ADCY8: variants seen among roughly 807,000 people sequenced by gnomAD.
ADCY8 encodes adenylate cyclase type 8.
In ADCY8, 51 loss-of-function variants were observed where a neutral mutation model predicts 119.7. That is an observed-to-expected ratio of 0.43 (90% confidence interval 0.34 to 0.54). ADCY8 has a LOEUF of 0.54. ADCY8 is among the 20% of genes least tolerant of loss of function. The probability of loss-of-function intolerance (pLI) is 0.03; values close to 1 mark genes in which losing one functional copy is unlikely to be tolerated. For missense variants in ADCY8, 1,383 were observed against 1,598.8 expected, an observed-to-expected ratio of 0.87 and a Z score of 2.30; for synonymous variants, 665 against 651.0, an observed-to-expected ratio of 1.02 and a Z score of -0.33.
rs868052969 is a variant in ADCY8, at chr8:131,040,689, G to C, written c.-356C>G. On this transcript the variant is annotated 5_prime_UTR_variant, in exon 1 of 18. Transcript: ENST00000286355. ...CTCCTTGGTTGATTCTAGGCTCAGC[G>C]TTTTGGCGCAGCCTTTGCTCTCCAA... 40 of 192,486 alleles carry C rather than the reference G, an allele frequency of 2.1e-4. No individual in the cohort carries two copies. The highest frequency in any genetic ancestry group is 9.2e-4 in the African/African-American group (40 of 43,292). 11.9% of individuals were successfully genotyped at this position (192,486 alleles called of 1,614,324 possible). A position where few individuals can be genotyped will look rare whatever the true frequency, so the allele number is the denominator to read the frequency against.
At chr8:130,828,369 G>A (rs1292586393) in intron 12 of ADCY8, among the ~76,000 whole-genome samples, 2 of 152,176 alleles carry the variant, frequency 1.3e-5, no homozygotes, top group Non-Finnish European at 2.9e-5. Flanking sequence ...CTCTGCCCTT[G>A]GCCTGGAGGG....
intron 1 of ADCY8, among the ~76,000 whole-genome samples, chr8:131,032,792 A>T (rs1824035284): frequency 6.6e-6 from 1 of 152,146 alleles, no homozygotes; most frequent in Admixed American, 6.5e-5. Context: ...ATCCAATTAC[A>T]TTTCCTGGGG....
intron 15 of ADCY8, among the ~76,000 whole-genome samples, chr8:130,793,489 C>A (rs1406148423): frequency 1.3e-5 from 2 of 152,156 alleles, no homozygotes; most frequent in Admixed American, 1.3e-4. Flanking sequence ...ACTTGTTATT[C>A]TTTTTGATTG....
chr8:130,863,817 C>T (rs1818025279), intron 9 of ADCY8, among the ~76,000 whole-genome samples: 1 of 151,962 alleles, frequency 6.6e-6, no homozygotes, highest in African/African-American at 2.4e-5. Context: ...TTTATAACCA[C>T]CAAATACATT....
intron 12 of ADCY8, among the ~76,000 whole-genome samples, chr8:130,832,209 G>A (rs1476382870): frequency 6.6e-6 from 1 of 152,088 alleles, no homozygotes; most frequent in East Asian, 1.9e-4. Flanking sequence ...TAGGGGTAAG[G>A]GTGCCTCTCC....
At position 131,023,472 on chromosome 8, in the gene ADCY8, C is replaced by T. The variant is rs530590270; in HGVS notation, c.960+15902G>A. On this transcript the variant is annotated intron_variant, in intron 1 of 17. Coordinates refer to ENST00000286355, the MANE Select transcript of ADCY8 (RefSeq NM_001115.3). ...GGTCACAGAGCAGAAGATGGCAGTG[C>T]TGCAGGAGGAGAGGCAGACTGTATC... 9.2e-5 allele frequency among the ~76,000 whole-genome samples: 14 copies of T among 152,280 alleles called. No homozygotes were observed. The South Asian group carries it at 2.7e-3, about 29-fold the overall frequency.
intron 3 of ADCY8, among the ~76,000 whole-genome samples, chr8:130,947,004 C>T (rs1203634155): frequency 2.0e-5 from 3 of 152,160 alleles, no homozygotes; most frequent in East Asian, 1.9e-4. Flanking sequence ...GTTCTGCCAC[C>T]TCCAGGTGCT....
intron 5 of ADCY8, among the ~76,000 whole-genome samples, chr8:130,933,321 A>T (rs1417227046): frequency 6.6e-6 from 1 of 152,252 alleles, no homozygotes; most frequent in South Asian, 2.1e-4. Context: ...TGAATAAAAA[A>T]TTCCATCTTG....
At chr8:130,865,915 G>A (rs1818102451) in intron 9 of ADCY8, among the ~76,000 whole-genome samples, 1 of 152,020 alleles carries the variant, frequency 6.6e-6, no homozygotes, top group African/African-American at 2.4e-5. Flanking sequence ...TTATTGGATT[G>A]GGCAAACTCC....
chr8:131,006,108 A>C (rs955708949), intron 1 of ADCY8, among the ~76,000 whole-genome samples: 6 of 152,036 alleles, frequency 3.9e-5, no homozygotes, highest in Non-Finnish European at 7.4e-5. Context: ...AATGCACAAG[A>C]AGCAGCTTCT....
intron 7 of ADCY8, among the ~76,000 whole-genome samples, chr8:130,886,008 C>T (rs1818968767): frequency 6.6e-6 from 1 of 152,038 alleles, no homozygotes; most frequent in Admixed American, 6.6e-5. Context: ...CAAGCCAGAT[C>T]TGCTGACTCC....
chr8:130,830,094 C>T (rs1816785521), intron 12 of ADCY8, among the ~76,000 whole-genome samples: 1 of 152,274 alleles, frequency 6.6e-6, no homozygotes, highest in South Asian at 2.1e-4. Context: ...AGGAACGATA[C>T]AGGAGTTAAG....
At chr8:130,876,175 C>G (rs56293105) in intron 8 of ADCY8, among the ~76,000 whole-genome samples, 1 of 151,764 alleles carries the variant, frequency 6.6e-6, no homozygotes, top group Non-Finnish European at 1.5e-5. Flanking sequence ...CTCAGCCTCC[C>G]GAGTAGCTGG....
rs138226346 is a variant in ADCY8 at position 130,809,936 on chromosome 8, C to T, written c.2913+4133G>A. On this transcript the variant is annotated intron_variant, in intron 14 of 17. Transcript: ENST00000286355. The stretch of plus-strand genomic sequence containing the variant: ...CTTTGCCAGCTGGAGGCTGTACATT[C>T]GGTTCCTCTTTGAGTGCGGTCTGTG... Among the ~76,000 whole-genome samples, 38 of 152,332 alleles carry T rather than the reference C, an allele frequency of 2.5e-4. No individual in the cohort carries two copies. In the East Asian group the frequency reaches 5.0e-3, roughly 20 times the overall value.
At chr8:130,895,887 A>C (rs952902961) in intron 7 of ADCY8, among the ~76,000 whole-genome samples, 7 of 152,144 alleles carry the variant, frequency 4.6e-5, no homozygotes, top group African/African-American at 1.7e-4. Flanking sequence ...AGAAGCAGTT[A>C]CCTCTGAAAA....
chr8:130,889,733 G>C (rs1156908576), intron 7 of ADCY8, among the ~76,000 whole-genome samples: 2 of 152,080 alleles, frequency 1.3e-5, no homozygotes, highest in African/African-American at 4.8e-5. Context: ...TCCTTGCCTT[G>C]TGGGCACTAC....
At chr8:130,848,126 C>A (rs1817390114) in intron 10 of ADCY8, among the ~76,000 whole-genome samples, 1 of 152,174 alleles carries the variant, frequency 6.6e-6, no homozygotes, top group Admixed American at 6.5e-5. Flanking sequence ...AAATACGAAA[C>A]TCTGAGAAGT....
chr8:130,800,341 A>AAAAT, intron 15 of ADCY8, 85 bp downstream of exon 15: 1 of 1,543,106 alleles, frequency 6.5e-7, no homozygotes, highest in Non-Finnish European at 8.8e-7. Flanking sequence ...CAAAAAAAAA[A>AAAAT]AATAAGTAAT....
chr8:130,800,174 G>C (rs1803913930), intron 15 of ADCY8, among the ~76,000 whole-genome samples: 1 of 152,124 alleles, frequency 6.6e-6, no homozygotes. Flanking sequence ...TCTGCCAGCT[G>C]TGTGACACTG....
Sources: gnomAD v4.1 joint callset for allele counts (sites outside exome capture counted in the v4.1 genomes callset) on GRCh38, gnomAD v4.1.1 for gene constraint, MANE v1.5 for transcripts, NCBI Gene and HGNC (gene_info 2026-07-23, HGNC 2026-07-21) for gene names.